Variants in ARHGAP42 observed in about 807,000 individuals in gnomAD.
ARHGAP42 encodes the protein rho GTPase-activating protein 42.
In ARHGAP42, 63 loss-of-function variants were observed where a neutral mutation model predicts 125.0. The observed-to-expected ratio is 0.50, with a 90% CI of 0.41 to 0.62. The LOEUF is 0.62. Ranked by LOEUF, ARHGAP42 falls within the 20% of genes least tolerant of loss-of-function variation. ARHGAP42 has a pLI of 0.00. For synonymous variants in ARHGAP42, 339 were observed against 351.0 expected (o/e 0.97, Z 0.38); for missense variants, 766 against 1,024.2 (o/e 0.75, Z 3.44).
intron 4 of ARHGAP42, among the ~76,000 whole-genome samples, chr11:100,905,218 G>A (rs191795440): frequency 3.0e-4 from 45 of 152,294 alleles, no homozygotes; most frequent in Admixed American, 1.1e-3. Context: ...AAAAAGGAAA[G>A]TGAATATATT....
chr11:100,978,215 T>G (rs7924399), intron 21 of ARHGAP42, among the ~76,000 whole-genome samples: 16,174 of 152,144 alleles, frequency 0.11, 1,047 homozygotes, highest in Non-Finnish European at 0.13. Context: ...ATTCAAATGA[T>G]TAAAGTGTGT....
At chr11:100,862,033 A>G (rs974614631) in intron 4 of ARHGAP42, among the ~76,000 whole-genome samples, 5 of 152,206 alleles carry the variant, frequency 3.3e-5, no homozygotes, top group African/African-American at 4.8e-5. Flanking sequence ...AGAAGAAATG[A>G]CAAGAACATG....
chr11:100,938,044 C>T (rs992491676), intron 8 of ARHGAP42, among the ~76,000 whole-genome samples: 1 of 132,032 alleles, frequency 7.6e-6, no homozygotes. Flanking sequence ...TGGTACTGAC[C>T]TCTTCTCTGA....
rs1867268934 is a variant in ARHGAP42 at position 100,921,577 on chromosome 11, A to T, written c.570A>T (p.Glu190Asp). 1 of 1,544,228 alleles carries T rather than the reference A, an allele frequency of 6.5e-7. No individual in the cohort carries two copies. The highest frequency in any genetic ancestry group is 2.5e-5 in the East Asian group (1 of 40,542). The change falls in exon 6 of 24, where the codon GAA (glutamate) becomes GAT (aspartate). Residue 190 changes from glutamate (E) to aspartate (D), a missense_variant. Glu to Asp is a conservative substitution (Grantham distance 45). Coordinates refer to ENST00000298815, the MANE Select transcript of ARHGAP42 (RefSeq NM_152432.4). ...TCTTTAAAATTCAAGAGGTCCAAGA[A>T]AAAAAGAAGTTTGAATTTGTTGAAC... ...EYVFKIQEVQ[E>D]KKKFEFVEPL...
chr11:100,927,503 A>G (rs1867459797), intron 6 of ARHGAP42, among the ~76,000 whole-genome samples: 1 of 152,202 alleles, frequency 6.6e-6, no homozygotes, highest in Admixed American at 6.5e-5. Context: ...GGGTATTGTT[A>G]TTGAAAATTA....
intron 22 of ARHGAP42, among the ~76,000 whole-genome samples, chr11:100,979,904 A>G (rs554250641): frequency 5.3e-5 from 8 of 152,358 alleles, no homozygotes; most frequent in African/African-American, 1.4e-4. Context: ...GTTGTTGTAT[A>G]GTTCCTCTAA....
rs115453250 is a variant in ARHGAP42, at chr11:100,821,444, T to C, written c.312+26278T>C. ...AGATCATCGAGTTTTAAGTATGCTA[T>C]TGGGGGCAGCCTGAGGAGCCTGATA... is the stretch of plus-strand genomic sequence containing the variant. On this transcript the variant is annotated intron_variant, in intron 3 of 23. Coordinates refer to ENST00000298815, the MANE Select transcript of ARHGAP42 (RefSeq NM_152432.4). Among the ~76,000 whole-genome samples, 547 of 152,104 alleles carry C rather than the reference T, an allele frequency of 3.6e-3. 2 individuals carry two copies. Among genetic ancestry groups the C allele is most frequent in the Middle Eastern group, 0.027 (8 of 294 alleles).
At chr11:100,781,662 A>G (rs1863314777) in intron 2 of ARHGAP42, among the ~76,000 whole-genome samples, 1 of 152,192 alleles carries the variant, frequency 6.6e-6, no homozygotes, top group South Asian at 2.1e-4. Context: ...TAAATGATAA[A>G]ACAGTTAAGT....
At position 100,965,662 on chromosome 11, in the gene ARHGAP42, A is replaced by C. The variant is rs1320511524; in HGVS notation, c.1445-9A>C. ...AACTTGAGCATTTGCAATCTTTTTT[A>C]TGTAACAGAATCTGATGATCAAAAC... On this transcript the variant is annotated splice_polypyrimidine_tract_variant and intron_variant, in intron 16 of 23. Coordinates refer to ENST00000298815, the MANE Select transcript of ARHGAP42 (RefSeq NM_152432.4). The C allele has an allele frequency of 1.9e-6, 3 of 1,548,020 alleles. No homozygotes were observed. In the South Asian group the frequency reaches 3.6e-5, roughly 18 times the overall value.
intron 22 of ARHGAP42, chr11:100,986,064 A>G (rs773252545): frequency 4.4e-6 from 2 of 456,640 alleles, no homozygotes; most frequent in South Asian, 3.1e-5. Flanking sequence ...TTTCTCACTC[A>G]TTCATTTAGC....
chr11:100,961,652 A>G lies in ARHGAP42; in HGVS notation c.1301-32A>G, dbSNP rs1264058239. 2.0e-6 allele frequency: 3 copies of G among 1,536,330 alleles called. No homozygotes were observed. The East Asian group carries it at 7.4e-5, about 38-fold the overall frequency. On this transcript the variant is annotated intron_variant, in intron 14 of 23. Transcript: ENST00000298815. The stretch of plus-strand genomic sequence containing the variant: ...TTGCATAAGAAATATTTTGAACTGC[A>G]CAATTTAAACACCTTGTTTTATTCT...
intron 6 of ARHGAP42, among the ~76,000 whole-genome samples, chr11:100,926,918 T>C (rs1404276595): frequency 1.3e-5 from 2 of 152,236 alleles, no homozygotes; most frequent in Non-Finnish European, 1.5e-5. Context: ...AGTTTTGTAA[T>C]AGCATTTTCA....
At chr11:100,979,120 C>T in intron 22 of ARHGAP42, 71 bp downstream of exon 22, 1 of 1,413,422 alleles carries the variant, frequency 7.1e-7, no homozygotes. Flanking sequence ...TGACATGACA[C>T]TCTCTGTGAC....
intron 8 of ARHGAP42, among the ~76,000 whole-genome samples, chr11:100,940,718 T>C (rs935749002): frequency 2.0e-5 from 3 of 152,194 alleles, no homozygotes; most frequent in African/African-American, 7.2e-5. Flanking sequence ...GAAATAACTC[T>C]AAGGTCAGTA....
intron 4 of ARHGAP42, among the ~76,000 whole-genome samples, chr11:100,904,408 A>C (rs1234180126): frequency 6.6e-6 from 1 of 150,470 alleles, no homozygotes; most frequent in Non-Finnish European, 1.5e-5. Context: ...TACCACGCCC[A>C]GCTAATTTTT....
At position 100,795,119 on chromosome 11, in the gene ARHGAP42, G is replaced by A; in HGVS notation, c.265G>A (p.Glu89Lys). Reference protein sequence around the residue: ...DEISIAQSLKEFARLLIAVEE... With the variant: ...DEISIAQSLKKFARLLIAVEE... Reference sequence around the variant, plus strand: ...TTTCCAAACAGCTCAGTCACTAAAAGAATTTGCAAGACTACTCATTGCAGT... The same window carrying A: ...TTTCCAAACAGCTCAGTCACTAAAAAAATTTGCAAGACTACTCATTGCAGT... The change falls in exon 3 of 24, where the codon GAA (glutamate) becomes AAA (lysine). Residue 89 changes from glutamate (E) to lysine (K), a missense_variant. Coordinates refer to ENST00000298815, the MANE Select transcript of ARHGAP42 (RefSeq NM_152432.4). 6.5e-7 allele frequency: 1 copy of A among 1,546,324 alleles called. No homozygotes were observed. The highest frequency in any genetic ancestry group is 8.7e-7 in the Non-Finnish European group (1 of 1,144,848).
chr11:100,939,124 A>G (rs1453997571), intron 8 of ARHGAP42, among the ~76,000 whole-genome samples: 1 of 152,180 alleles, frequency 6.6e-6, no homozygotes, highest in Non-Finnish European at 1.5e-5. Context: ...CGAGGCATGC[A>G]TTAAATCACA....
chr11:100,766,759 C>T lies in ARHGAP42; in HGVS notation c.155-3584C>T, dbSNP rs576147360. ...GGTTTTTTTGACCTCATCATTACTTCGGCATTAGGAAAATGAGAATAAATA... is the reference window on the plus strand; with the variant it reads ...GGTTTTTTTGACCTCATCATTACTTTGGCATTAGGAAAATGAGAATAAATA... On this transcript the variant is annotated intron_variant, in intron 1 of 23. Coordinates refer to ENST00000298815, the MANE Select transcript of ARHGAP42 (RefSeq NM_152432.4). 5.3e-5 allele frequency among the ~76,000 whole-genome samples: 8 copies of T among 152,126 alleles called. No individual in the cohort carries two copies. The South Asian group carries it at 6.2e-4, about 12-fold the overall frequency.
chr11:100,725,261 C>G (rs1861834624), intron 1 of ARHGAP42, among the ~76,000 whole-genome samples: 1 of 151,702 alleles, frequency 6.6e-6, no homozygotes, highest in African/African-American at 2.4e-5. Flanking sequence ...ACCTCTGCCT[C>G]CTAGGTTCAA....
Sources: gnomAD v4.1 joint callset for allele counts (sites outside exome capture counted in the v4.1 genomes callset) on GRCh38, gnomAD v4.1.1 for gene constraint, MANE v1.5 for transcripts, NCBI Gene and HGNC (gene_info 2026-07-23, HGNC 2026-07-21) for gene names.